PRKCQ: variants seen among roughly 807,000 people sequenced by gnomAD.
PRKCQ encodes the protein protein kinase C theta type.
Under a neutral mutation model 91.2 loss-of-function variants are expected in PRKCQ, and 41 were observed. That is an observed-to-expected ratio of 0.45 (90% CI 0.35 to 0.58). The LOEUF (loss-of-function observed/expected upper bound fraction) is 0.58, where lower values mean the gene tolerates loss of function less well. Ranked by LOEUF, PRKCQ falls within the 20% of genes least tolerant of loss-of-function variation. PRKCQ has a pLI of 0.00. For missense variants in PRKCQ, 673 were observed against 896.5 expected, an observed-to-expected ratio of 0.75 and a Z score of 3.18; for synonymous variants, 307 against 316.9, an observed-to-expected ratio of 0.97 and a Z score of 0.33.
At chr10:6,439,001 G>A (rs1175723412) in intron 16 of PRKCQ, among the ~76,000 whole-genome samples, 1 of 152,198 alleles carries the variant, frequency 6.6e-6, no homozygotes, top group African/African-American at 2.4e-5. Context: ...TATGTATTTA[G>A]CATGTTGTAT....
intron 1 of PRKCQ, among the ~76,000 whole-genome samples, chr10:6,539,966 T>G (rs1416108404): frequency 6.6e-6 from 1 of 152,264 alleles, no homozygotes; most frequent in Non-Finnish European, 1.5e-5. Flanking sequence ...CTGGTTACTC[T>G]GAATAAGTGG....
At chr10:6,494,633 G>C (rs1005292708) in intron 7 of PRKCQ, among the ~76,000 whole-genome samples, 6 of 152,068 alleles carry the variant, frequency 3.9e-5, no homozygotes, top group Non-Finnish European at 7.4e-5. Flanking sequence ...ATAGACTCTG[G>C]GTGTAGGAGG....
intron 1 of PRKCQ, among the ~76,000 whole-genome samples, chr10:6,548,276 CT>C (rs1366468263): frequency 2.0e-5 from 3 of 151,686 alleles, no homozygotes; most frequent in Non-Finnish European, 3.0e-5. Flanking sequence ...CACTTTTACA[CT>C]GTTGGTGGGA....
chr10:6,475,724 A>G (rs1343403587), intron 12 of PRKCQ, among the ~76,000 whole-genome samples: 1 of 152,230 alleles, frequency 6.6e-6, no homozygotes, highest in African/African-American at 2.4e-5. Context: ...AGCATTATCC[A>G]TATCACGTAT....
intron 1 of PRKCQ, among the ~76,000 whole-genome samples, chr10:6,540,511 CTCACTTAGCA>C (rs2130915288): frequency 6.6e-6 from 1 of 152,312 alleles, no homozygotes; most frequent in South Asian, 2.1e-4. Flanking sequence ...TCTGGATCAT[CTCACTTAGCA>C]TCATGTTTTT....
chr10:6,434,292 AT>A (rs1471931073), intron 16 of PRKCQ, among the ~76,000 whole-genome samples: 2 of 151,976 alleles, frequency 1.3e-5, no homozygotes, highest in African/African-American at 4.8e-5. Context: ...TTTCTATTCT[AT>A]TTCTTCCAGT....
At chr10:6,464,905 C>G (rs1835562782) in intron 12 of PRKCQ, among the ~76,000 whole-genome samples, 1 of 152,096 alleles carries the variant, frequency 6.6e-6, no homozygotes, top group African/African-American at 2.4e-5. Context: ...CCCCAGGAAG[C>G]CTGGGGAATC....
At chr10:6,397,934 A>AG in the PRKCQ span, among the ~76,000 whole-genome samples, 1 of 152,174 alleles carries the variant, frequency 6.6e-6, no homozygotes, top group African/African-American at 2.4e-5. Flanking sequence ...TAAAAAAAAA[A>AG]GAAAGAAAGA....
At chr10:6,480,892 T>C (rs1286870764) in intron 11 of PRKCQ, among the ~76,000 whole-genome samples, 1 of 152,180 alleles carries the variant, frequency 6.6e-6, no homozygotes, top group African/African-American at 2.4e-5. Flanking sequence ...TTCAGGCAAA[T>C]GAATGATGCT....
intron 15 of PRKCQ, among the ~76,000 whole-genome samples, chr10:6,448,449 A>G (rs1333160839): frequency 4.6e-5 from 7 of 151,550 alleles, no homozygotes; most frequent in Non-Finnish European, 1.0e-4. Context: ...TCACTCTGTC[A>G]CCAAGCTGGA....
intron 1 of PRKCQ, among the ~76,000 whole-genome samples, chr10:6,523,564 A>G (rs1021295791): frequency 6.6e-6 from 1 of 152,214 alleles, no homozygotes; most frequent in African/African-American, 2.4e-5. Flanking sequence ...TCAGAACTAG[A>G]GATGAAGGAG....
intron 17 of PRKCQ, among the ~76,000 whole-genome samples, chr10:6,429,918 C>T (rs977121242): frequency 6.6e-6 from 1 of 152,102 alleles, no homozygotes; most frequent in Non-Finnish European, 1.5e-5. Flanking sequence ...TGGGGTTTCA[C>T]TATGTTGCCT....
In PRKCQ at chr10:6,430,702, G is replaced by T; in HGVS notation, c.1965+108C>A. ...CCTCCTGGAGAGTGGGGCTGGTGGG[G>T]AGTTGGGGCACCGGCAGGGGTGAGC... On this transcript the variant is annotated intron_variant, in intron 17 of 17. Transcript: ENST00000263125. This position sits in a 1 kb window ranked among gnomAD's most constrained non-coding sequence, Gnocchi z 4.7. The T allele has an allele frequency of 6.9e-7, 1 of 1,456,830 alleles. No individual in the cohort carries two copies. Among genetic ancestry groups the T allele is most frequent in the Non-Finnish European group, 9.3e-7 (1 of 1,069,974 alleles). The allele number at this position is 1,456,830 out of a possible 1,614,324, so 90.2% of individuals were successfully genotyped here.
At chr10:6,579,862 A>C (rs1260117812) in intron 1 of PRKCQ, among the ~76,000 whole-genome samples, 1 of 148,862 alleles carries the variant, frequency 6.7e-6, no homozygotes, top group East Asian at 2.0e-4. Flanking sequence ...TTTTACCAAG[A>C]ATACAAAAAC....
chr10:6,404,877 CCTT>C, the PRKCQ span, among the ~76,000 whole-genome samples: 3 of 140,130 alleles, frequency 2.1e-5, no homozygotes, highest in Non-Finnish European at 4.6e-5. Context: ...TCCTTTCTTT[CCTT>C]TTTTCTTTCT....
At chr10:6,467,417 G>A (rs946836196) in intron 12 of PRKCQ, among the ~76,000 whole-genome samples, 3 of 132,414 alleles carry the variant, frequency 2.3e-5, no homozygotes, top group Admixed American at 7.5e-5. Context: ...GAGAGAGAGA[G>A]AGAGAGAGAG....
At chr10:6,439,155 G>A (rs543293257) in intron 16 of PRKCQ, among the ~76,000 whole-genome samples, 1 of 152,220 alleles carries the variant, frequency 6.6e-6, no homozygotes, top group East Asian at 1.9e-4. Context: ...TCTCCACGTG[G>A]GTTTGCCTTG....
chr10:6,434,047 A>AAG (rs1220072632), intron 16 of PRKCQ, among the ~76,000 whole-genome samples: 1 of 151,140 alleles, frequency 6.6e-6, no homozygotes, highest in African/African-American at 2.4e-5. Flanking sequence ...AAAAAAAAAA[A>AAG]AAGGAAGCAA....
intron 1 of PRKCQ, among the ~76,000 whole-genome samples, chr10:6,555,926 T>C (rs947584726): frequency 1.3e-5 from 2 of 152,082 alleles, no homozygotes; most frequent in Non-Finnish European, 2.9e-5. Flanking sequence ...GGAGAATCGC[T>C]TGAAACCGGG....
Sources: gnomAD v4.1 joint callset for allele counts (sites outside exome capture counted in the v4.1 genomes callset) on GRCh38, gnomAD v4.1.1 for gene constraint, Gnocchi (gnomAD v3.1) non-coding constraint, MANE v1.5 for transcripts, NCBI Gene and HGNC (gene_info 2026-07-23, HGNC 2026-07-21) for gene names.